LMX1B: variants seen among roughly 807,000 people sequenced by gnomAD.
LMX1B encodes the protein LIM homeobox transcription factor 1 beta.
LMX1B carries 12 observed loss-of-function variants against 51.4 expected under a neutral mutation model. The ratio of observed to expected loss-of-function variants is 0.23; its 90% CI spans 0.15 to 0.38. The LOEUF (loss-of-function observed/expected upper bound fraction) is 0.38, where lower values mean the gene tolerates loss of function less well. Ranked by LOEUF, LMX1B falls within the 10% of genes least tolerant of loss-of-function variation. The probability of loss-of-function intolerance (pLI) is 1.00; values close to 1 mark genes in which losing one functional copy is unlikely to be tolerated. For synonymous variants in LMX1B, 237 were observed against 235.4 expected, an observed-to-expected ratio of 1.01 and a Z score of -0.06; for missense variants, 445 against 571.1, an observed-to-expected ratio of 0.78 and a Z score of 2.25.
chr9:126,676,006 G>T (rs1836551491), intron 2 of LMX1B, among the ~76,000 whole-genome samples: 1 of 145,018 alleles, frequency 6.9e-6, no homozygotes, highest in African/African-American at 2.6e-5. Flanking sequence ...CCGAGATCGC[G>T]CCACTGCACT....
At position 126,671,808 on chromosome 9, in the gene LMX1B, C is replaced by A. The variant is rs900456294; in HGVS notation, c.327-19028C>A. 6.6e-6 allele frequency among the ~76,000 whole-genome samples: 1 copy of A among 152,164 alleles called. No homozygotes were observed. Among genetic ancestry groups the A allele is most frequent in the Non-Finnish European group, 1.5e-5 (1 of 68,028 alleles). ...AGCTCCCTCCAGGCCAGGGCAGCGG[C>A]CCCCCACAGCCCAGGCCCCCAGCGG... On this transcript the variant is annotated intron_variant, in intron 2 of 7. Coordinates refer to ENST00000373474, the MANE Select transcript of LMX1B (RefSeq NM_001174147.2). The surrounding 1 kb of genome is among the most constrained non-coding windows in gnomAD (Gnocchi z 4.4).
intron 2 of LMX1B, among the ~76,000 whole-genome samples, chr9:126,650,886 A>G (rs1365503372): frequency 6.6e-6 from 1 of 152,256 alleles, no homozygotes; most frequent in Non-Finnish European, 1.5e-5. Flanking sequence ...TACGGAGTGC[A>G]GAACCCAGCT....
intron 2 of LMX1B, among the ~76,000 whole-genome samples, chr9:126,651,577 C>T (rs1216011856): frequency 6.6e-6 from 1 of 152,124 alleles, no homozygotes; most frequent in Non-Finnish European, 1.5e-5. Context: ...CTAATTACGC[C>T]TTAGCCCCAG....
At chr9:126,683,964 G>A (rs1836724957) in intron 2 of LMX1B, among the ~76,000 whole-genome samples, 1 of 152,050 alleles carries the variant, frequency 6.6e-6, no homozygotes, top group Non-Finnish European at 1.5e-5. Flanking sequence ...TGCTTGCCCA[G>A]CATGCCCCAG....
At position 126,665,235 on chromosome 9, in the gene LMX1B, C is replaced by G. The variant is rs370234342; in HGVS notation, c.327-25601C>G. On this transcript the variant is annotated intron_variant, in intron 2 of 7. Transcript: ENST00000373474. Reference sequence around the variant, plus strand: ...GAGCCGGTCCCCCTCCTCCACGGTCCATCGTAACCTGATTTGGGGGGAGGG... The same window carrying G: ...GAGCCGGTCCCCCTCCTCCACGGTCGATCGTAACCTGATTTGGGGGGAGGG... Among the ~76,000 whole-genome samples, 506 of 152,358 alleles carry G rather than the reference C, an allele frequency of 3.3e-3. 4 individuals carry two copies. The highest frequency in any genetic ancestry group is 0.012 in the African/African-American group (482 of 41,584).
chr9:126,673,411 G>A lies in LMX1B; in HGVS notation c.327-17425G>A, dbSNP rs1266737525. ...AGGGAGCTGGGCAGATCTGAGAGCC[G>A]CACAGGAGGCCAGTGGGGTCAAGCT... On this transcript the variant is annotated intron_variant, in intron 2 of 7. Coordinates refer to ENST00000373474, the MANE Select transcript of LMX1B (RefSeq NM_001174147.2). This position sits in a 1 kb window ranked among gnomAD's most constrained non-coding sequence, Gnocchi z 4.4. Among the ~76,000 whole-genome samples the A allele has an allele frequency of 6.6e-6, 1 of 152,270 alleles. No individual in the cohort carries two copies. The highest frequency in any genetic ancestry group is 3.4e-3 in the Middle Eastern group (1 of 292).
Position 126,695,314 on chromosome 9 carries a change from C to A in LMX1B, c.887-525C>A, listed in dbSNP as rs531152425. On this transcript the variant is annotated intron_variant, in intron 6 of 7. Coordinates refer to ENST00000373474, the MANE Select transcript of LMX1B (RefSeq NM_001174147.2). The surrounding 1 kb of genome is among the most constrained non-coding windows in gnomAD (Gnocchi z 5.2). ...GTGGTCCCTCTCAGCTGGTCTCCCC[C>A]ACACCGACCTCTCTCCCTGCCTCTT... Among the ~76,000 whole-genome samples, 1 of 152,190 alleles carries A rather than the reference C, an allele frequency of 6.6e-6. No homozygotes were observed. Among genetic ancestry groups the A allele is most frequent in the Non-Finnish European group, 1.5e-5 (1 of 68,020 alleles).
At position 126,695,854 on chromosome 9, in the gene LMX1B, G is replaced by A. The variant is rs773510108; in HGVS notation, c.902G>A (p.Arg301His). 5.1e-5 allele frequency: 83 copies of A among 1,612,900 alleles called. No individual in the cohort carries two copies. The highest frequency in any genetic ancestry group is 4.3e-4 in the Admixed American group (26 of 59,956). Residue 301 changes from arginine (R) to histidine (H), a missense_variant, in exon 7 of 8, where the codon CGC (arginine) becomes CAC (histidine). This residue lies in a region of LMX1B where 162 missense variants were observed against 187.8 expected (regional missense o/e 0.86). Coordinates refer to ENST00000373474, the MANE Select transcript of LMX1B (RefSeq NM_001174147.2). The surrounding 1 kb of genome is among the most constrained non-coding windows in gnomAD (Gnocchi z 5.2). ...GTGCCCCCAGAGGTCCTGTCCAGCC[G>A]CATGGAGGGCATGATGGCTTCCTAC... ...QRLGQEVLSS[R>H]MEGMMASYTP...
intron 2 of LMX1B, among the ~76,000 whole-genome samples, chr9:126,682,993 G>C (rs1477445965): frequency 6.6e-6 from 1 of 150,882 alleles, no homozygotes; most frequent in Non-Finnish European, 1.5e-5. Context: ...ATGGCTCCCC[G>C]GGCTCCCGGC....
At chr9:126,668,067 G>A (rs1836378612) in intron 2 of LMX1B, among the ~76,000 whole-genome samples, 2 of 152,304 alleles carry the variant, frequency 1.3e-5, no homozygotes, top group South Asian at 2.1e-4. Flanking sequence ...GAGGGGGGCA[G>A]GTTGAGGGAC....
chr9:126,644,149 C>T (rs1421994556), intron 2 of LMX1B, among the ~76,000 whole-genome samples: 1 of 152,154 alleles, frequency 6.6e-6, no homozygotes, highest in East Asian at 1.9e-4. Flanking sequence ...CCGCGCTGGT[C>T]TCTCCGGGTC....
intron 2 of LMX1B, among the ~76,000 whole-genome samples, chr9:126,623,344 A>AGATGTGAACTT (rs1308129050): frequency 1.3e-5 from 2 of 152,220 alleles, no homozygotes; most frequent in Non-Finnish European, 2.9e-5. Context: ...TGGTCAGTGT[A>AGATGTGAACTT]GATGTGAACT....
chr9:126,626,210 G>A lies in LMX1B; in HGVS notation c.326+10641G>A, dbSNP rs780208437. On this transcript the variant is annotated intron_variant, in intron 2 of 7. Coordinates refer to ENST00000373474, the MANE Select transcript of LMX1B (RefSeq NM_001174147.2). The surrounding 1 kb of genome is among the most constrained non-coding windows in gnomAD (Gnocchi z 4.3). ...GTCCCCGTGCGCCCTGGCAGAGGTC[G>A]GGGACGCCAGAGTGCACGCAGTCTC... Among the ~76,000 whole-genome samples the A allele has an allele frequency of 1.3e-5, 2 of 152,214 alleles. No homozygotes were observed. The highest frequency in any genetic ancestry group is 2.9e-5 in the Non-Finnish European group (2 of 68,018).
Position 126,625,659 on chromosome 9 carries a change from G to A in LMX1B, c.326+10090G>A, listed in dbSNP as rs751009971. ...GTGAATTCCTTTGTTCCACCCCCAC[G>A]GAAACCCTCTTCTCCGCCAGGCCCG... On this transcript the variant is annotated intron_variant, in intron 2 of 7. Coordinates refer to ENST00000373474, the MANE Select transcript of LMX1B (RefSeq NM_001174147.2). The surrounding 1 kb of genome is among the most constrained non-coding windows in gnomAD (Gnocchi z 5.3). Among the ~76,000 whole-genome samples, 12 of 152,166 alleles carry A rather than the reference G, an allele frequency of 7.9e-5. No homozygotes were observed. The highest frequency in any genetic ancestry group is 1.3e-4 in the Non-Finnish European group (9 of 68,016).
intron 2 of LMX1B, among the ~76,000 whole-genome samples, chr9:126,650,062 CCT>C (rs1457636920): frequency 6.6e-6 from 1 of 152,176 alleles, no homozygotes; most frequent in African/African-American, 2.4e-5. Flanking sequence ...TTGGTGAGCC[CCT>C]GTTCATCCTC....
intron 2 of LMX1B, among the ~76,000 whole-genome samples, chr9:126,621,446 C>T (rs919734558): frequency 1.3e-5 from 2 of 152,088 alleles, no homozygotes; most frequent in African/African-American, 2.4e-5. Flanking sequence ...AGTGGAGAGA[C>T]GGTGGTAGTG....
intron 2 of LMX1B, 89 bp from the exon 3 acceptor site, chr9:126,690,746 AG>A (rs2030089007): frequency 8.8e-7 from 1 of 1,133,448 alleles, no homozygotes; most frequent in Non-Finnish European, 1.3e-6. Context: ...CCTGAGGGTC[AG>A]GGTGGCAAGA....
At chr9:126,688,027 T>G (rs1211433769) in intron 2 of LMX1B, among the ~76,000 whole-genome samples, 1 of 152,126 alleles carries the variant, frequency 6.6e-6, no homozygotes, top group Non-Finnish European at 1.5e-5. Context: ...CCCCGATGTT[T>G]TATTGGGTGG....
chr9:126,650,503 G>A (rs770410779), intron 2 of LMX1B, among the ~76,000 whole-genome samples: 3 of 152,218 alleles, frequency 2.0e-5, no homozygotes, highest in African/African-American at 4.8e-5. Flanking sequence ...CGGTGGAGGC[G>A]CTTCTGCAAA....
Sources: allele counts gnomAD v4.1 joint callset (sites outside exome capture counted in the v4.1 genomes callset), GRCh38; gene constraint gnomAD v4.1.1; regional missense constraint gnomAD v4.1.1; non-coding constraint Gnocchi (gnomAD v3.1); transcripts MANE v1.5; gene names NCBI Gene and HGNC (gene_info 2026-07-23, HGNC 2026-07-21).